The following TSC2 variants were observed in gnomAD, a reference collection of about 807,000 sequenced individuals.
TSC2 encodes the protein tuberin.
A neutral mutation model predicts 202.2 loss-of-function variants in TSC2; 29 were observed. The observed-to-expected ratio is 0.14, with a 90% CI of 0.11 to 0.20. The LOEUF (loss-of-function observed/expected upper bound fraction) is 0.20. Ranked by LOEUF, TSC2 falls within the 10% of genes least tolerant of loss-of-function variation. TSC2 has a pLI of 1.00. For missense variants in TSC2, 2,429 were observed against 2,420.0 expected (o/e 1.00, Z -0.08); for synonymous variants, 1,349 against 1,044.0 (o/e 1.29, Z -5.63).
chr16:2,053,893 C>G, intron 4 of TSC2: 5 of 453,554 alleles, frequency 1.1e-5, no homozygotes, highest in South Asian at 8.8e-5. Flanking sequence ...CACTTCTACT[C>G]CTTCATGTCC....
intron 35 of TSC2, 57 bp downstream of exon 35, chr16:2,085,083 TGGG>T: frequency 6.2e-7 from 1 of 1,608,564 alleles, no homozygotes; most frequent in African/African-American, 1.3e-5. Context: ...GGGTGAATGG[TGGG>T]GGGCCCAGCT....
chr16:2,057,018 G>T, intron 8 of TSC2, 87 bp from the exon 9 acceptor site: 1 of 1,515,592 alleles, frequency 6.6e-7, no homozygotes, highest in East Asian at 2.5e-5. Flanking sequence ...TGGCTATAGG[G>T]CAGCAGCCAG....
chr16:2,071,757 C>A (rs1241546561), intron 18 of TSC2, 27 bp from the exon 19 acceptor site: 3 of 1,602,192 alleles, frequency 1.9e-6, no homozygotes, highest in Non-Finnish European at 1.7e-6. Flanking sequence ...GGGGACTTGG[C>A]CTCAGCTGCT....
At chr16:2,054,008 T>C in intron 4 of TSC2, 1 of 511,278 alleles carries the variant, frequency 2.0e-6, no homozygotes. Context: ...CTGCACCGAG[T>C]GCAGGGGTCG....
chr16:2,077,666 GC>G lies in TSC2; in HGVS notation c.2907del (p.Ser970LeufsTer46). ...CCACCCGTGAAAGAATTCAAGGAGA[GC>G]TCTGCAGCCGAGGCCTTCCGGTGCC... The part of the protein sequence containing the change: ...NSPPVKEFKE[S>X]SAAEAFRCRS... On this transcript the variant is annotated frameshift_variant, in exon 26 of 42. Coordinates refer to ENST00000219476, the MANE Select transcript of TSC2 (RefSeq NM_000548.5). LOFTEE classifies it high-confidence loss of function. 6.2e-7 allele frequency: 1 copy of G among 1,613,102 alleles called. No individual in the cohort carries two copies. The highest frequency in any genetic ancestry group is 8.5e-7 in the Non-Finnish European group (1 of 1,180,016).
chr16:2,085,630 G>T (rs911691225), intron 36 of TSC2, among the ~76,000 whole-genome samples: 1 of 152,160 alleles, frequency 6.6e-6, no homozygotes, highest in Non-Finnish European at 1.5e-5. Flanking sequence ...GTGAGGGAGC[G>T]GGCAGGGGGA....
At chr16:2,076,377 C>A in intron 24 of TSC2, 114 bp from the exon 25 acceptor site, 1 of 1,580,286 alleles carries the variant, frequency 6.3e-7, no homozygotes, top group South Asian at 1.1e-5. Flanking sequence ...TGGGTGCCGC[C>A]GCCTTGCCCC....
At chr16:2,087,991 G>GC (rs137854222) in intron 39 of TSC2, 50 bp downstream of exon 39, 3 of 1,612,854 alleles carry the variant, frequency 1.9e-6, no homozygotes, top group Non-Finnish European at 2.5e-6. Context: ...GCCGGGTGGG[G>GC]CCCTGCAGTG....
rs796746212 is a variant in TSC2 at position 2,076,386 on chromosome 16, C to T, written c.2743-105C>T. 45 of 1,587,766 alleles carry T rather than the reference C, an allele frequency of 2.8e-5. 1 individual carries two copies. In the African/African-American group the frequency reaches 5.8e-4, roughly 20 times the overall value. ...GGGAGCTGGGTGCCGCCGCCTTGCC[C>T]CTAGCCTGCAGCTTGTCCCTGGCCA... On this transcript the variant is annotated intron_variant, in intron 24 of 41. Transcript: ENST00000219476.
intron 30 of TSC2, 120 bp downstream of exon 30, chr16:2,080,497 T>C: frequency 8.1e-7 from 1 of 1,235,806 alleles, no homozygotes; most frequent in Middle Eastern, 2.8e-4. Flanking sequence ...TTTTGTTTTT[T>C]TTTTGAGACA....
At chr16:2,051,044 G>C (rs1464717500) in intron 3 of TSC2, among the ~76,000 whole-genome samples, 3 of 152,124 alleles carry the variant, frequency 2.0e-5, no homozygotes, top group African/African-American at 7.2e-5. Context: ...TCTATGCCGA[G>C]CGGGGGTGCG....
chr16:2,057,090 C>T lies in TSC2; in HGVS notation c.775-15C>T. The T allele has an allele frequency of 6.4e-7, 1 of 1,551,106 alleles. No homozygotes were observed. The highest frequency in any genetic ancestry group is 8.7e-7 in the Non-Finnish European group (1 of 1,146,966). ...CTTATGCCTGCCAGCCCCTGACACG[C>T]ATTGTGTCTCGCAGCTGATGCGGAA... is the stretch of plus-strand genomic sequence containing the variant. On this transcript the variant is annotated splice_polypyrimidine_tract_variant and intron_variant, in intron 8 of 41. Coordinates refer to ENST00000219476, the MANE Select transcript of TSC2 (RefSeq NM_000548.5).
At chr16:2,081,418 G>GCGGGGCAGCAGGGTGGGTGGCCGT in intron 30 of TSC2, 177 bp from the exon 31 acceptor site, 1 of 799,066 alleles carries the variant, frequency 1.3e-6, no homozygotes, top group East Asian at 2.7e-5. Context: ...CAGGGGCTGA[G>GCGGGGCAGCAGGGTGGGTGGCCGT]CGGGGCAGCA....
intron 14 of TSC2, chr16:2,064,029 T>C (rs2151185316): frequency 1.7e-6 from 1 of 592,070 alleles, no homozygotes; most frequent in South Asian, 1.9e-5. Flanking sequence ...GGGCCCCGTG[T>C]CTGTGCCCGG....
chr16:2,082,338 C>A, intron 31 of TSC2, 98 bp from the exon 32 acceptor site: 2 of 1,430,908 alleles, frequency 1.4e-6, no homozygotes, highest in Non-Finnish European at 2.0e-6. Context: ...GCTGGCCCTG[C>A]CCTCTCTCCT....
At chr16:2,072,437 C>A in intron 20 of TSC2, 74 bp downstream of exon 20, 1 of 1,596,152 alleles carries the variant, frequency 6.3e-7, no homozygotes. Context: ...AGCCTCTGGG[C>A]AGAGCGAGTG....
rs796053493 is a variant in TSC2, at chr16:2,079,415, G to A, written c.3271G>A (p.Gly1091Ser). The change falls in exon 28 of 42, where the codon GGC becomes AGC. Residue 1091 changes from glycine to serine, a missense_variant. Physicochemically the swap from Gly to Ser is moderately conservative, Grantham distance 56 (BLOSUM62 0). Transcript: ENST00000219476. This position sits in a 1 kb window ranked among gnomAD's most constrained non-coding sequence, Gnocchi z 4.6. ...CCTGGACTCGGGGGAGCTGCAGTCC[G>A]GCCCGGAGTCGAGGTGACTGCACCT... Reference protein sequence around the residue: ...LGLDSGELQSGPESSSSPGVH... With the variant: ...LGLDSGELQSSPESSSSPGVH... The A allele has an allele frequency of 1.2e-5, 20 of 1,611,572 alleles. No homozygotes were observed. The highest frequency in any genetic ancestry group is 2.7e-5 in the African/African-American group (2 of 74,990).
At chr16:2,077,523 C>T (rs891532042) in intron 25 of TSC2, 75 bp from the exon 26 acceptor site, 5 of 1,605,270 alleles carry the variant, frequency 3.1e-6, no homozygotes, top group African/African-American at 2.7e-5. Flanking sequence ...TCCTCCTCAC[C>T]CCTCCACTGG....
Position 2,079,747 on chromosome 16 carries a change from C to T in TSC2, c.3397+78C>T, listed in dbSNP as rs113495029. 1 of 1,447,280 alleles carries T rather than the reference C, an allele frequency of 6.9e-7. No individual in the cohort carries two copies. The highest frequency in any genetic ancestry group is 1.3e-5 in the South Asian group (1 of 78,122). 89.7% of individuals were successfully genotyped at this position (1,447,280 alleles called of 1,614,324 possible). ...CTGCTGGTCCCAGTGTTCAGGAAGG[C>T]CCCGAGCCCAGGGGCCGGGGTGGCT... On this transcript the variant is annotated intron_variant, in intron 29 of 41. Coordinates refer to ENST00000219476, the MANE Select transcript of TSC2 (RefSeq NM_000548.5). The surrounding 1 kb of genome is among the most constrained non-coding windows in gnomAD (Gnocchi z 4.6).
Sources: gnomAD v4.1 joint callset for allele counts (sites outside exome capture counted in the v4.1 genomes callset) on GRCh38, gnomAD v4.1.1 for gene constraint, Gnocchi (gnomAD v3.1) non-coding constraint, MANE v1.5 for transcripts, NCBI Gene and HGNC (gene_info 2026-07-23, HGNC 2026-07-21) for gene names.